Variants in RPTOR observed in about 807,000 individuals in gnomAD.
The protein encoded by RPTOR is regulatory associated protein of MTOR complex 1.
In RPTOR, 21 loss-of-function variants were observed where a neutral mutation model predicts 169.9. The ratio of observed to expected loss-of-function variants is 0.12; its 90% CI spans 0.09 to 0.18. The LOEUF (loss-of-function observed/expected upper bound fraction) is 0.18, where lower values mean the gene tolerates loss of function less well. Among genes scored for constraint, RPTOR ranks in the 10% least tolerant of loss-of-function variants. The pLI, the probability that RPTOR is intolerant of heterozygous loss-of-function variation, is 1.00. For missense variants in RPTOR, 1,133 were observed against 1,855.9 expected, an observed-to-expected ratio of 0.61 and a Z score of 7.16; for synonymous variants, 732 against 753.2, an observed-to-expected ratio of 0.97 and a Z score of 0.46.
chr17:80,620,159 T>C (rs959680277), intron 1 of RPTOR, among the ~76,000 whole-genome samples: 2 of 152,234 alleles, frequency 1.3e-5, no homozygotes, highest in South Asian at 4.1e-4. Flanking sequence ...TCCAAGGCCA[T>C]GCATTGTTAG....
intron 3 of RPTOR, among the ~76,000 whole-genome samples, chr17:80,672,063 T>C (rs2065825932): frequency 6.6e-6 from 1 of 152,192 alleles, no homozygotes; most frequent in Non-Finnish European, 1.5e-5. Flanking sequence ...AGGGCTAATA[T>C]CACAAGGTAA....
chr17:80,840,652 TCAC>T (rs144415589), intron 10 of RPTOR, among the ~76,000 whole-genome samples: 3,024 of 42,638 alleles, frequency 0.071, 491 homozygotes, highest in Middle Eastern at 0.2. Flanking sequence ...CAGCTCACTC[TCAC>T]CACACCACAG....
chr17:80,558,198 G>A (rs934425836), intron 1 of RPTOR, among the ~76,000 whole-genome samples: 5 of 152,186 alleles, frequency 3.3e-5, no homozygotes, highest in African/African-American at 1.2e-4. Flanking sequence ...CTACTCGGAT[G>A]GCTGAGTCAA....
chr17:80,848,861 A>T (rs1598351436), intron 11 of RPTOR, among the ~76,000 whole-genome samples: 1 of 152,200 alleles, frequency 6.6e-6, no homozygotes, highest in African/African-American at 2.4e-5. Context: ...ACACTCCCTC[A>T]AGGAAGGAGA....
intron 14 of RPTOR, 55 bp from the exon 15 acceptor site, chr17:80,883,364 G>A (rs991143492): frequency 3.0e-5 from 44 of 1,470,288 alleles, no homozygotes; most frequent in Non-Finnish European, 4.0e-5. Context: ...GTTGTACTTT[G>A]GGAATGAGAG....
In RPTOR at chr17:80,562,213, A is replaced by T. The variant is rs891492338; in HGVS notation, c.162+16422A>T. ...GGGTGACACGCAGCCTCCTAACTGGATGTAGGAGAGAAAAACAAGATACAC... is the reference window on the plus strand; with the variant it reads ...GGGTGACACGCAGCCTCCTAACTGGTTGTAGGAGAGAAAAACAAGATACAC... On this transcript the variant is annotated intron_variant, in intron 1 of 33. Transcript: ENST00000306801. The surrounding 1 kb of genome is among the most constrained non-coding windows in gnomAD (Gnocchi z 4.4). 1.3e-5 allele frequency among the ~76,000 whole-genome samples: 2 copies of T among 152,120 alleles called. No individual in the cohort carries two copies. Among genetic ancestry groups the T allele is most frequent in the Admixed American group, 1.3e-4 (2 of 15,268 alleles).
At chr17:80,827,683 G>A (rs546743064) in intron 9 of RPTOR, among the ~76,000 whole-genome samples, 1 of 152,268 alleles carries the variant, frequency 6.6e-6, no homozygotes, top group Admixed American at 6.5e-5. Context: ...GTTTGGAGAG[G>A]GTGAGAGTAA....
chr17:80,730,463 G>A lies in RPTOR; in HGVS notation c.508-97G>A. On this transcript the variant is annotated intron_variant, in intron 4 of 33. Transcript: ENST00000306801. This position sits in a 1 kb window ranked among gnomAD's most constrained non-coding sequence, Gnocchi z 4.2. Reference sequence around the variant, plus strand: ...TAACTCAGCGTCTCTCCAGCCACCAGGCTCAATGTGTGTGCCTTTTGTAAC... The same window carrying A: ...TAACTCAGCGTCTCTCCAGCCACCAAGCTCAATGTGTGTGCCTTTTGTAAC... 7.2e-7 allele frequency: 1 copy of A among 1,393,426 alleles called. No individual in the cohort carries two copies. Among genetic ancestry groups the A allele is most frequent in the South Asian group, 1.3e-5 (1 of 79,892 alleles). The allele number at this position is 1,393,426 out of a possible 1,614,324, so 86.3% of individuals were successfully genotyped here. A position where few individuals can be genotyped will look rare whatever the true frequency, so the allele number is the denominator to read the frequency against.
chr17:80,838,369 C>T (rs2067588541), intron 10 of RPTOR, among the ~76,000 whole-genome samples: 1 of 152,148 alleles, frequency 6.6e-6, no homozygotes, highest in Admixed American at 6.5e-5. Context: ...CAGTGACCCA[C>T]GGGGGGTTTG....
intron 21 of RPTOR, among the ~76,000 whole-genome samples, chr17:80,921,156 T>A (rs972604574): frequency 1.3e-5 from 2 of 152,266 alleles, no homozygotes; most frequent in African/African-American, 2.4e-5. Context: ...TCAAGGTTCC[T>A]AAATTCTAAG....
intron 3 of RPTOR, among the ~76,000 whole-genome samples, chr17:80,650,256 G>C (rs1480801723): frequency 1.3e-5 from 2 of 152,222 alleles, no homozygotes; most frequent in Non-Finnish European, 2.9e-5. Flanking sequence ...AGGCCACCTA[G>C]GGGATTCACT....
intron 1 of RPTOR, among the ~76,000 whole-genome samples, chr17:80,578,532 T>C (rs1047959589): frequency 1.3e-5 from 2 of 152,132 alleles, no homozygotes; most frequent in Non-Finnish European, 2.9e-5. Flanking sequence ...GTTGAAGCAT[T>C]AGAAGGTGTA....
At chr17:80,842,463 C>T (rs981170338) in intron 10 of RPTOR, among the ~76,000 whole-genome samples, 2 of 152,140 alleles carry the variant, frequency 1.3e-5, no homozygotes, top group African/African-American at 4.8e-5. Context: ...CTTCGGGGTC[C>T]CAGGGTTTGC....
chr17:80,634,255 C>CGT (rs1315811937), intron 2 of RPTOR, among the ~76,000 whole-genome samples: 4,180 of 26,076 alleles, frequency 0.16, 604 homozygotes, highest in African/African-American at 0.43. Flanking sequence ...ATACTGTATG[C>CGT]GTGCATACCG....
rs117541203 is a variant in RPTOR, at chr17:80,651,472, G to A, written c.348+7662G>A. ...GTTCATGAATTTGGGTGTTCACAAG[G>A]GCTTCTGTACAGCTCCCTCCCAAAT... On this transcript the variant is annotated intron_variant, in intron 3 of 33. Coordinates refer to ENST00000306801, the MANE Select transcript of RPTOR (RefSeq NM_020761.3). This position sits in a 1 kb window ranked among gnomAD's most constrained non-coding sequence, Gnocchi z 4.1. 0.016 allele frequency among the ~76,000 whole-genome samples: 2,375 copies of A among 152,266 alleles called. 48 individuals carry two copies. The highest frequency in any genetic ancestry group is 0.021 in the Non-Finnish European group (1,435 of 68,020).
At chr17:80,750,657 G>A (rs2066621894) in intron 5 of RPTOR, among the ~76,000 whole-genome samples, 1 of 152,216 alleles carries the variant, frequency 6.6e-6, no homozygotes, top group South Asian at 2.1e-4. Flanking sequence ...GGCTTAGTGG[G>A]CCTGTCACAG....
intron 5 of RPTOR, among the ~76,000 whole-genome samples, chr17:80,735,756 C>T (rs1365608028): frequency 2.0e-5 from 3 of 152,116 alleles, no homozygotes; most frequent in East Asian, 3.9e-4. Flanking sequence ...TTGTTCTGCA[C>T]ATAGCCATCT....
At chr17:80,872,152 A>G (rs1308746691) in intron 13 of RPTOR, among the ~76,000 whole-genome samples, 1 of 152,244 alleles carries the variant, frequency 6.6e-6, no homozygotes, top group Non-Finnish European at 1.5e-5. Context: ...AGCTGTCATC[A>G]GCGAGGAGGG....
At chr17:80,677,249 A>G (rs2065867545) in intron 3 of RPTOR, among the ~76,000 whole-genome samples, 1 of 152,156 alleles carries the variant, frequency 6.6e-6, no homozygotes, top group South Asian at 2.1e-4. Context: ...CTATGCTTCA[A>G]TTCTATGCTC....
Sources: allele counts gnomAD v4.1 joint callset (sites outside exome capture counted in the v4.1 genomes callset), GRCh38; gene constraint gnomAD v4.1.1; non-coding constraint Gnocchi (gnomAD v3.1); transcripts MANE v1.5; gene names NCBI Gene and HGNC (gene_info 2026-07-23, HGNC 2026-07-21).